The following CDKL5 variants were observed in gnomAD, a reference collection of about 807,000 sequenced individuals.
CDKL5 encodes the protein cyclin dependent kinase like 5.
CDKL5 carries 8 observed loss-of-function variants against 61.7 expected under a neutral mutation model. That is an observed-to-expected ratio of 0.13 (90% CI 0.08 to 0.23). The LOEUF (loss-of-function observed/expected upper bound fraction) is 0.23, where lower values mean the gene tolerates loss of function less well. Ranked by LOEUF, CDKL5 falls within the 10% of genes least tolerant of loss-of-function variation. The pLI is 1.00. For missense variants in CDKL5, 440 were observed against 734.5 expected (o/e 0.60, Z 4.63); for synonymous variants, 275 against 272.3 (o/e 1.01, Z -0.10).
At chrX:18,533,678 A>G (rs1463215109) in intron 3 of CDKL5, among the ~76,000 whole-genome samples, 3 of 111,426 alleles carry the variant, frequency 2.7e-5, no homozygotes, top group African/African-American at 9.8e-5. Context: ...TGATCTTACT[A>G]CTTCATGCTA....
intron 5 of CDKL5, 95 bp from the exon 6 acceptor site, chrX:18,579,753 A>G: frequency 1.2e-6 from 1 of 853,934 alleles, no homozygotes; most frequent in Non-Finnish European, 1.7e-6. Flanking sequence ...AAAGCTCTGT[A>G]TTGGATGAAT....
intron 20 of CDKL5, among the ~76,000 whole-genome samples, chrX:18,649,250 G>T (rs981935176): frequency 9.1e-5 from 10 of 109,930 alleles, no homozygotes; most frequent in Admixed American, 1.9e-4. Context: ...TCCTTTTTTG[G>T]TTAGAGACCT....
intron 1 of CDKL5, chrX:18,497,219 T>C (rs2147084231): frequency 9.0e-6 from 1 of 111,447 alleles, no homozygotes; most frequent in African/African-American, 3.3e-5. Context: ...ATTTGTCTCC[T>C]TTTTGCTTCT....
intron 4 of CDKL5, among the ~76,000 whole-genome samples, chrX:18,566,952 C>T (rs149447700): frequency 0.016 from 1,761 of 111,628 alleles, 39 homozygotes; most frequent in African/African-American, 0.054. Context: ...ATGACACCTA[C>T]GTACCACCTA....
chrX:18,467,834 G>A (rs2066589077), intron 1 of CDKL5, among the ~76,000 whole-genome samples: 1 of 111,953 alleles, frequency 8.9e-6, no homozygotes, highest in Non-Finnish European at 1.9e-5. Context: ...AGCTGTAATT[G>A]TAATTAGTGT....
intron 1 of CDKL5, among the ~76,000 whole-genome samples, chrX:18,441,176 G>A (rs953204639): frequency 9.0e-6 from 1 of 111,327 alleles, no homozygotes; most frequent in Non-Finnish European, 1.9e-5. Flanking sequence ...AGCACTTTGG[G>A]AAGCCGAGTC....
chrX:18,646,397 G>GC (rs749576493), intron 20 of CDKL5, among the ~76,000 whole-genome samples: 28 of 111,952 alleles, frequency 2.5e-4, no homozygotes, highest in East Asian at 2.0e-3. Context: ...CAGGTAATCT[G>GC]CCCCCCCTCG....
intron 12 of CDKL5, among the ~76,000 whole-genome samples, chrX:18,606,169 G>C (rs1242450766): frequency 9.8e-6 from 1 of 101,705 alleles, no homozygotes; most frequent in Non-Finnish European, 1.9e-5. Context: ...GACAGAGCAA[G>C]ACTGTCACAC....
intron 1 of CDKL5, among the ~76,000 whole-genome samples, chrX:18,481,320 G>GTTTCTTTCTTTCTTTC (rs201816691): frequency 0.013 from 1,063 of 84,668 alleles, 29 homozygotes; most frequent in African/African-American, 0.04. Context: ...AAGAGTCCTG[G>GTTTCTTTCTTTCTTTC]TTTCTTTCTT....
intron 1 of CDKL5, among the ~76,000 whole-genome samples, chrX:18,486,986 A>G (rs778770133): frequency 9.0e-6 from 1 of 111,616 alleles, no homozygotes; most frequent in Non-Finnish European, 1.9e-5. Context: ...ATCTTGGTGC[A>G]TAAGAAAAGA....
At chrX:18,476,435 T>C (rs186841511) in intron 1 of CDKL5, among the ~76,000 whole-genome samples, 1 of 111,707 alleles carries the variant, frequency 9.0e-6, no homozygotes, top group East Asian at 2.8e-4. Flanking sequence ...CAGGCTGGTC[T>C]CGACCTCCTG....
At chrX:18,641,215 T>C (rs1399430621), downstream of CDKL5, 1 of 111,863 alleles carries the variant, frequency 8.9e-6, no homozygotes, top group Non-Finnish European at 1.9e-5. Context: ...TCCCTACATA[T>C]ACTGAGATGT....
intron 4 of CDKL5, among the ~76,000 whole-genome samples, chrX:18,565,390 T>C (rs1924936124): frequency 8.9e-6 from 1 of 112,221 alleles, no homozygotes; most frequent in Non-Finnish European, 1.9e-5. Context: ...CTCTCTACTT[T>C]CTGTTCTTTC....
intron 3 of CDKL5, among the ~76,000 whole-genome samples, chrX:18,548,375 C>T: frequency 9.0e-6 from 1 of 111,486 alleles, no homozygotes; most frequent in Non-Finnish European, 1.9e-5. Flanking sequence ...TTCTCTTTCT[C>T]TGCTAAGAGA....
At chrX:18,530,396 G>A (rs1418166683) in intron 3 of CDKL5, among the ~76,000 whole-genome samples, 9 of 109,808 alleles carry the variant, frequency 8.2e-5, no homozygotes, top group Non-Finnish European at 1.3e-4. Context: ...AGTTTTGGAA[G>A]TTTCTACTGA....
intron 3 of CDKL5, among the ~76,000 whole-genome samples, chrX:18,542,659 ATTT>A (rs199564053): frequency 1.0e-5 from 1 of 95,955 alleles, no homozygotes. Flanking sequence ...TAATATGATG[ATTT>A]TTTTTTTTTT....
At chrX:18,495,446 C>G (rs1958426359) in intron 1 of CDKL5, among the ~76,000 whole-genome samples, 1 of 112,149 alleles carries the variant, frequency 8.9e-6, no homozygotes, top group Non-Finnish European at 1.9e-5. Context: ...TAGTGTGAGT[C>G]AAATCCAACC....
chrX:18,577,809 A>G (rs906247794), intron 5 of CDKL5, among the ~76,000 whole-genome samples: 1 of 112,466 alleles, frequency 8.9e-6, no homozygotes, highest in African/African-American at 3.2e-5. Flanking sequence ...AACAAGAGAT[A>G]CAATTTGTTT....
chrX:18,518,529 C>T (rs1365984620), intron 3 of CDKL5, among the ~76,000 whole-genome samples: 1 of 103,758 alleles, frequency 9.6e-6, no homozygotes, highest in African/African-American at 3.5e-5. Flanking sequence ...CTCAGCCTCC[C>T]GAGTAGCTGG....
Sources: gnomAD v4.1 joint callset for allele counts (sites outside exome capture counted in the v4.1 genomes callset) on GRCh38, gnomAD v4.1.1 for gene constraint, MANE v1.5 for transcripts, NCBI Gene and HGNC (gene_info 2026-07-23, HGNC 2026-07-21) for gene names.